GLCCI1: variants seen among roughly 807,000 people sequenced by gnomAD.
GLCCI1 encodes the protein glucocorticoid induced 1.
A neutral mutation model predicts 52.2 loss-of-function variants in GLCCI1; 24 were observed. The ratio of observed to expected loss-of-function variants is 0.46; its 90% CI spans 0.33 to 0.65. The LOEUF is 0.65. Ranked by LOEUF, GLCCI1 falls within the 30% of genes least tolerant of loss-of-function variation. The pLI, the probability that GLCCI1 is intolerant of heterozygous loss-of-function variation, is 0.02. For missense variants in GLCCI1, 704 were observed against 701.5 expected, an observed-to-expected ratio of 1.00 and a Z score of -0.04; for synonymous variants, 310 against 276.5, an observed-to-expected ratio of 1.12 and a Z score of -1.20.
At chr7:8,080,692 G>C (rs1485569749) in intron 6 of GLCCI1, among the ~76,000 whole-genome samples, 1 of 147,072 alleles carries the variant, frequency 6.8e-6, no homozygotes, top group African/African-American at 2.7e-5. Flanking sequence ...AGAGGGAGCA[G>C]AATAGGCACT....
chr7:8,027,352 G>A lies in GLCCI1; in HGVS notation c.696+4783G>A, dbSNP rs183474072. On this transcript the variant is annotated intron_variant, in intron 3 of 7. Transcript: ENST00000223145. The stretch of plus-strand genomic sequence containing the variant: ...AAAATACAAAAATTAGCTGGTTGTC[G>A]TGGCACACACCTGTAGTCCCAGCTA... Among the ~76,000 whole-genome samples the A allele has an allele frequency of 8.1e-3, 1,239 of 152,248 alleles. 6 individuals carry two copies. Among genetic ancestry groups the A allele is most frequent in the Non-Finnish European group, 0.012 (791 of 68,022 alleles).
chr7:7,998,407 G>C (rs953329626), intron 1 of GLCCI1, among the ~76,000 whole-genome samples: 2 of 151,946 alleles, frequency 1.3e-5, no homozygotes, highest in Non-Finnish European at 2.9e-5. Context: ...GTAGAGACAG[G>C]GTTTCGCCAT....
At chr7:7,971,450 A>T (rs1039564621) in intron 1 of GLCCI1, among the ~76,000 whole-genome samples, 1 of 152,244 alleles carries the variant, frequency 6.6e-6, no homozygotes, top group African/African-American at 2.4e-5. Context: ...ATTTCGCTTC[A>T]ACAGTGCACA....
intron 4 of GLCCI1, among the ~76,000 whole-genome samples, chr7:8,059,179 G>GA (rs934094047): frequency 3.3e-5 from 5 of 152,028 alleles, no homozygotes; most frequent in Non-Finnish European, 5.9e-5. Flanking sequence ...AACAGTATTT[G>GA]AAAAAATACT....
At chr7:8,073,318 T>C (rs1364635271) in intron 6 of GLCCI1, among the ~76,000 whole-genome samples, 2 of 152,178 alleles carry the variant, frequency 1.3e-5, no homozygotes, top group African/African-American at 2.4e-5. Flanking sequence ...AATACACAGC[T>C]TAGTCAAAAC....
At chr7:8,045,841 A>G (rs1370784146) in intron 3 of GLCCI1, among the ~76,000 whole-genome samples, 1 of 152,154 alleles carries the variant, frequency 6.6e-6, no homozygotes, top group Admixed American at 6.5e-5. Flanking sequence ...GCAGAGGATA[A>G]AACTTCCACA....
intron 3 of GLCCI1, among the ~76,000 whole-genome samples, chr7:8,042,532 G>T (rs1014201356): frequency 2.0e-5 from 3 of 152,216 alleles, no homozygotes; most frequent in Non-Finnish European, 4.4e-5. Flanking sequence ...TGGAACATGG[G>T]CTGGGTGCAG....
At chr7:8,013,078 G>C (rs755987777) in intron 2 of GLCCI1, among the ~76,000 whole-genome samples, 1 of 152,110 alleles carries the variant, frequency 6.6e-6, no homozygotes, top group Non-Finnish European at 1.5e-5. Context: ...TCAATTTACC[G>C]TATATGCTAG....
At chr7:8,052,285 C>T (rs1782274413) in intron 3 of GLCCI1, among the ~76,000 whole-genome samples, 2 of 152,052 alleles carry the variant, frequency 1.3e-5, no homozygotes, top group South Asian at 2.1e-4. Context: ...AAGATGGCAC[C>T]CTAGGGCAGG....
intron 1 of GLCCI1, among the ~76,000 whole-genome samples, chr7:7,982,683 G>GT (rs1780646188): frequency 6.6e-6 from 1 of 152,034 alleles, no homozygotes; most frequent in African/African-American, 2.4e-5. Flanking sequence ...CATTTGCTTT[G>GT]TACATAGGTA....
Position 7,969,647 on chromosome 7 carries a change from C to T in GLCCI1, c.297C>T (p.Gly99=). 1 of 1,012,210 alleles carries T rather than the reference C, an allele frequency of 9.9e-7. No homozygotes were observed. The highest frequency in any genetic ancestry group is 1.2e-6 in the Non-Finnish European group (1 of 853,218). The allele number at this position is 1,012,210 out of a possible 1,614,324, so 62.7% of individuals were successfully genotyped here. Residue 99 remains glycine, a synonymous_variant, in exon 1 of 8, where the codon GGC becomes GGT. Transcript: ENST00000223145. The surrounding 1 kb of genome is among the most constrained non-coding windows in gnomAD (Gnocchi z 4.9). ...CGCTGGGCAGCCTCCCGGGGCCCGG[C>T]GCGGCCCGCGGCCCCAGCCCGTCCA... ...AASLGSLPGP[G]AARGPSPSSP...
chr7:8,030,099 C>T (rs573551106), intron 3 of GLCCI1, among the ~76,000 whole-genome samples: 19 of 152,090 alleles, frequency 1.2e-4, no homozygotes, highest in South Asian at 2.1e-4. Context: ...CTGTCCTAAG[C>T]GAAAAGAACA....
intron 1 of GLCCI1, chr7:7,981,110 A>T (rs1319422978): frequency 2.1e-6 from 1 of 467,950 alleles, no homozygotes; most frequent in African/African-American, 2.1e-5. Context: ...AAACCTCCGG[A>T]AAAATCTGTG....
chr7:7,976,512 G>GAAAAAAAAAAAAAAAAA (rs1780475490), intron 1 of GLCCI1, among the ~76,000 whole-genome samples: 1 of 126,580 alleles, frequency 7.9e-6, no homozygotes, highest in African/African-American at 3.4e-5. Context: ...AAGGAAAAAG[G>GAAAAAAAAAAAAAAAAA]AAAGGAGAAA....
intron 3 of GLCCI1, among the ~76,000 whole-genome samples, chr7:8,045,463 T>G (rs1782100161): frequency 6.6e-6 from 1 of 152,186 alleles, no homozygotes; most frequent in Non-Finnish European, 1.5e-5. Context: ...AAGGACCTAT[T>G]GTACAGAAAC....
At chr7:8,044,114 T>C (rs1392569752) in intron 3 of GLCCI1, among the ~76,000 whole-genome samples, 2 of 151,812 alleles carry the variant, frequency 1.3e-5, no homozygotes, top group Non-Finnish European at 2.9e-5. Flanking sequence ...CTGGCTAATT[T>C]TTTTATATTT....
intron 3 of GLCCI1, among the ~76,000 whole-genome samples, chr7:8,051,807 A>G (rs543057762): frequency 1.0e-3 from 158 of 152,282 alleles, no homozygotes; most frequent in Non-Finnish European, 1.8e-3. Flanking sequence ...TCTTTTGCCT[A>G]CTATTAGACT....
Position 8,086,531 on chromosome 7 carries a change from T to A in GLCCI1, c.1637T>A (p.Ile546Asn), listed in dbSNP as rs770556193. The change falls in exon 8 of 8, where the codon ATC (isoleucine) becomes AAC (asparagine). Residue 546 changes from isoleucine (I) to asparagine (N), a missense_variant. This residue lies in a region of GLCCI1 where 149 missense variants were observed against 152.9 expected (regional missense o/e 0.97). Coordinates refer to ENST00000223145, the MANE Select transcript of GLCCI1 (RefSeq NM_138426.4). The surrounding 1 kb of genome is among the most constrained non-coding windows in gnomAD (Gnocchi z 4.4). ...EDHISAQNYVII is the reference protein window; with the variant it reads ...EDHISAQNYVNI ...CACATCTCTGCTCAGAACTATGTGA[T>A]CATCTAAAAAAGGGGGAGCTGGCCT... 6.3e-7 allele frequency: 1 copy of A among 1,580,436 alleles called. No individual in the cohort carries two copies. The highest frequency in any genetic ancestry group is 1.9e-5 in the Admixed American group (1 of 52,144).
chr7:8,047,671 A>C (rs1454540121), intron 3 of GLCCI1, among the ~76,000 whole-genome samples: 1 of 152,232 alleles, frequency 6.6e-6, no homozygotes, highest in Non-Finnish European at 1.5e-5. Context: ...CTTTAGATAC[A>C]GTCTACTTCT....
Sources: allele counts gnomAD v4.1 joint callset (sites outside exome capture counted in the v4.1 genomes callset), GRCh38; gene constraint gnomAD v4.1.1; regional missense constraint gnomAD v4.1.1; non-coding constraint Gnocchi (gnomAD v3.1); transcripts MANE v1.5; gene names NCBI Gene and HGNC (gene_info 2026-07-23, HGNC 2026-07-21).